Variants in XRCC4 observed in about 807,000 individuals in gnomAD.
XRCC4 encodes DNA repair protein XRCC4.
A neutral mutation model predicts 39.1 loss-of-function variants in XRCC4; 28 were observed. That is an observed-to-expected ratio of 0.72 (90% CI 0.53 to 0.98). The LOEUF (loss-of-function observed/expected upper bound fraction) is 0.98, where lower values mean the gene tolerates loss of function less well. XRCC4 is among the 50% of genes least tolerant of loss of function. XRCC4 has a pLI of 0.00. For synonymous variants in XRCC4, 123 were observed against 126.4 expected, an observed-to-expected ratio of 0.97 and a Z score of 0.18; for missense variants, 350 against 376.4, an observed-to-expected ratio of 0.93 and a Z score of 0.58.
the XRCC4 span, among the ~76,000 whole-genome samples, chr5:83,366,527 T>C: frequency 6.6e-6 from 1 of 152,156 alleles, no homozygotes; most frequent in African/African-American, 2.4e-5. Context: ...CAGTGACCAT[T>C]TTAAGATGTT....
chr5:83,366,465 G>A, the XRCC4 span, among the ~76,000 whole-genome samples: 1 of 152,154 alleles, frequency 6.6e-6, no homozygotes, highest in Non-Finnish European at 1.5e-5. Context: ...TTTCAACTGG[G>A]TTATTTCAAT....
At chr5:83,336,505 A>G (rs1756599341) in intron 7 of XRCC4, among the ~76,000 whole-genome samples, 2 of 152,146 alleles carry the variant, frequency 1.3e-5, no homozygotes, top group African/African-American at 4.8e-5. Context: ...ATTTCAGAAT[A>G]AAGGATGTCT....
intron 3 of XRCC4, among the ~76,000 whole-genome samples, chr5:83,189,230 A>G (rs751458833): frequency 3.3e-5 from 5 of 152,218 alleles, no homozygotes; most frequent in Non-Finnish European, 7.3e-5. Flanking sequence ...TAGCCCTTCA[A>G]TGTAAAGCCA....
chr5:83,140,839 AC>A (rs1417611455), intron 3 of XRCC4, among the ~76,000 whole-genome samples: 15 of 152,186 alleles, frequency 9.9e-5, no homozygotes, highest in Non-Finnish European at 4.4e-5. Flanking sequence ...GTGAACAATT[AC>A]AAAAAATCAG....
At chr5:83,102,640 A>G (rs1235136635) in intron 1 of XRCC4, among the ~76,000 whole-genome samples, 2 of 152,034 alleles carry the variant, frequency 1.3e-5, no homozygotes, top group Non-Finnish European at 2.9e-5. Context: ...TTGGTTAACT[A>G]CCATTTGATG....
intron 7 of XRCC4, among the ~76,000 whole-genome samples, chr5:83,307,869 T>G (rs1755542774): frequency 6.6e-6 from 1 of 152,158 alleles, no homozygotes; most frequent in Admixed American, 6.6e-5. Context: ...CATATGGAAT[T>G]CCAGACGGAA....
intron 7 of XRCC4, among the ~76,000 whole-genome samples, chr5:83,345,472 A>G (rs980236024): frequency 6.6e-6 from 1 of 152,200 alleles, no homozygotes; most frequent in African/African-American, 2.4e-5. Flanking sequence ...GTTATTTAAA[A>G]TAACAGTTGA....
At chr5:83,358,950 T>C in the XRCC4 span, among the ~76,000 whole-genome samples, 2 of 152,196 alleles carry the variant, frequency 1.3e-5, no homozygotes, top group Admixed American at 6.5e-5. Context: ...TGATGACATA[T>C]GCTTCATCCC....
At chr5:83,265,170 T>A (rs551134191) in intron 7 of XRCC4, among the ~76,000 whole-genome samples, 2 of 152,308 alleles carry the variant, frequency 1.3e-5, no homozygotes, top group Non-Finnish European at 2.9e-5. Flanking sequence ...TTATGTTTTT[T>A]AAATTTAGAT....
chr5:83,208,148 G>T (rs1751490599), intron 6 of XRCC4, among the ~76,000 whole-genome samples: 1 of 151,936 alleles, frequency 6.6e-6, no homozygotes, highest in South Asian at 2.1e-4. Context: ...ATTTCTTGAT[G>T]ATAAAATAGA....
chr5:83,282,719 G>C (rs905383017), intron 7 of XRCC4, among the ~76,000 whole-genome samples: 32 of 152,058 alleles, frequency 2.1e-4, no homozygotes, highest in African/African-American at 7.5e-4. Flanking sequence ...GCAGGCGCCT[G>C]TAGTCCCAAC....
intron 7 of XRCC4, among the ~76,000 whole-genome samples, chr5:83,272,281 T>G (rs529419496): frequency 6.6e-6 from 1 of 152,358 alleles, no homozygotes; most frequent in East Asian, 1.9e-4. Flanking sequence ...AATTTTCCAG[T>G]GTTCCATTAA....
At chr5:83,197,743 A>C (rs920626544) in intron 4 of XRCC4, among the ~76,000 whole-genome samples, 6 of 152,104 alleles carry the variant, frequency 3.9e-5, no homozygotes, top group Non-Finnish European at 7.4e-5. Flanking sequence ...CTGCTTTATT[A>C]TGATCCAGCT....
intron 4 of XRCC4, among the ~76,000 whole-genome samples, chr5:83,198,170 A>T (rs1289331648): frequency 6.6e-6 from 1 of 152,122 alleles, no homozygotes; most frequent in Non-Finnish European, 1.5e-5. Flanking sequence ...TGGGGCCATG[A>T]TGTTAAGCCT....
intron 2 of XRCC4, among the ~76,000 whole-genome samples, chr5:83,107,800 T>G (rs1746268850): frequency 6.6e-6 from 1 of 151,902 alleles, no homozygotes; most frequent in African/African-American, 2.4e-5. Context: ...TGTAAATATT[T>G]TTTGACTTAT....
intron 7 of XRCC4, among the ~76,000 whole-genome samples, chr5:83,332,417 G>A (rs1451612959): frequency 6.6e-6 from 1 of 152,116 alleles, no homozygotes; most frequent in Non-Finnish European, 1.5e-5. Flanking sequence ...ATCTGTTTTA[G>A]ATTGTAAGCT....
At chr5:83,328,260 C>T (rs1278908810) in intron 7 of XRCC4, among the ~76,000 whole-genome samples, 1 of 152,042 alleles carries the variant, frequency 6.6e-6, no homozygotes, top group Non-Finnish European at 1.5e-5. Flanking sequence ...TGGGTCCCTC[C>T]CACAACACGT....
At chr5:83,085,527 T>C (rs901637895) in intron 1 of XRCC4, among the ~76,000 whole-genome samples, 1 of 152,192 alleles carries the variant, frequency 6.6e-6, no homozygotes, top group Non-Finnish European at 1.5e-5. Flanking sequence ...AGTATACTAA[T>C]AGAGTTCCAT....
At position 83,353,139 on chromosome 5, in the gene XRCC4, C is replaced by A; in HGVS notation, c.902C>A (p.Ser301Tyr). 6.2e-7 allele frequency: 1 copy of A among 1,601,960 alleles called. No individual in the cohort carries two copies. The highest frequency in any genetic ancestry group is 8.5e-7 in the Non-Finnish European group (1 of 1,176,480). Reference protein sequence around the residue: ...NQLQEKEKPDSSLPETSKKEH... With the variant: ...NQLQEKEKPDYSLPETSKKEH... Reference sequence around the variant, plus strand: ...TTTCTTTTCAGTTCTAGGCCTGATTCTTCACTACCTGAGACGTCTAAAAAG... The same window carrying A: ...TTTCTTTTCAGTTCTAGGCCTGATTATTCACTACCTGAGACGTCTAAAAAG... The change falls in exon 8 of 8, where the codon TCT (serine) becomes TAT (tyrosine). Residue 301 changes from serine (S) to tyrosine (Y), a missense_variant. Physicochemically the swap from Ser to Tyr is moderately radical, Grantham distance 144. Coordinates refer to ENST00000396027, the MANE Select transcript of XRCC4 (RefSeq NM_003401.5).
Sources: allele counts gnomAD v4.1 joint callset (sites outside exome capture counted in the v4.1 genomes callset), GRCh38; gene constraint gnomAD v4.1.1; transcripts MANE v1.5; gene names NCBI Gene and HGNC (gene_info 2026-07-23, HGNC 2026-07-21).